The following HDX variants were observed in gnomAD, a reference collection of about 807,000 sequenced individuals.
HDX encodes highly divergent homeobox, also known as chromosome X open reading frame 43.
A neutral mutation model predicts 45.2 loss-of-function variants in HDX; 19 were observed. The ratio of observed to expected loss-of-function variants is 0.42; its 90% CI spans 0.29 to 0.62. The LOEUF (loss-of-function observed/expected upper bound fraction) is 0.62. Ranked by LOEUF, HDX falls within the 20% of genes least tolerant of loss-of-function variation. The pLI, the probability that HDX is intolerant of heterozygous loss-of-function variation, is 0.20. For synonymous variants in HDX, 188 were observed against 172.8 expected, an observed-to-expected ratio of 1.09 and a Z score of -0.69; for missense variants, 532 against 493.9, an observed-to-expected ratio of 1.08 and a Z score of -0.73.
In HDX at chrX:84,378,100, G is replaced by C. The variant is rs148010019; in HGVS notation, c.1306-16488C>G. Among the ~76,000 whole-genome samples, 37 of 111,860 alleles carry C rather than the reference G, an allele frequency of 3.3e-4. No individual in the cohort carries two copies. The East Asian group carries it at 9.0e-3, about 27-fold the overall frequency. ...CTTACAGGCCAGGAGATAGTGGCATGACACATTTAAAGTGCTGAAGAAAAA... is the reference window on the plus strand; with the variant it reads ...CTTACAGGCCAGGAGATAGTGGCATCACACATTTAAAGTGCTGAAGAAAAA... On this transcript the variant is annotated intron_variant, in intron 5 of 10. Transcript: ENST00000373177.
intron 10 of HDX, among the ~76,000 whole-genome samples, chrX:84,323,023 A>G (rs2036629178): frequency 9.0e-6 from 1 of 110,787 alleles, no homozygotes; most frequent in Non-Finnish European, 1.9e-5. Flanking sequence ...TCCACTGTTG[A>G]AATAAGACAG....
intron 5 of HDX, among the ~76,000 whole-genome samples, chrX:84,416,452 G>A (rs1170539457): frequency 3.6e-5 from 4 of 111,721 alleles, no homozygotes; most frequent in African/African-American, 1.3e-4. Context: ...GCTTCTAGAA[G>A]AACCTTGAAA....
intron 5 of HDX, 43 bp from the exon 6 acceptor site, chrX:84,361,655 G>T (rs2037625820): frequency 1.4e-5 from 14 of 1,022,032 alleles, no homozygotes; most frequent in Non-Finnish European, 1.8e-5. Context: ...TTAAAGTTTA[G>T]AATAATCAAA....
intron 7 of HDX, among the ~76,000 whole-genome samples, chrX:84,338,066 C>G (rs2037004947): frequency 9.0e-6 from 1 of 111,126 alleles, no homozygotes; most frequent in South Asian, 3.7e-4. Flanking sequence ...TTTTACTTCA[C>G]CTTAGGAAGC....
chrX:84,452,993 C>T (rs1391978411), intron 4 of HDX, among the ~76,000 whole-genome samples: 2 of 111,918 alleles, frequency 1.8e-5, no homozygotes, highest in African/African-American at 6.5e-5. Flanking sequence ...ACAGCTTCCC[C>T]ATAGAAATGG....
intron 5 of HDX, among the ~76,000 whole-genome samples, chrX:84,435,675 T>C (rs1479758339): frequency 1.9e-5 from 2 of 107,120 alleles, no homozygotes; most frequent in African/African-American, 3.4e-5. Flanking sequence ...GGTTTTCTTC[T>C]AGGGTTTTTA....
At position 84,393,553 on chromosome X, in the gene HDX, G is replaced by T. The variant is rs148106373; in HGVS notation, c.1306-31941C>A. On this transcript the variant is annotated intron_variant, in intron 5 of 10. Transcript: ENST00000373177. Reference sequence around the variant, plus strand: ...CTGGCATTATAAAATGAGTTAAAGAGAATTCATTCTTCTTCAATTTCTTGG... The same window carrying T: ...CTGGCATTATAAAATGAGTTAAAGATAATTCATTCTTCTTCAATTTCTTGG... Among the ~76,000 whole-genome samples the T allele has an allele frequency of 4.0e-3, 445 of 110,922 alleles. 2 individuals are homozygous for T. The highest frequency in any genetic ancestry group is 0.014 in the African/African-American group (416 of 30,682).
At position 84,469,457 on chromosome X, in the gene HDX, G is replaced by A. The variant is rs200870175; in HGVS notation, c.266C>T (p.Ala89Val). Residue 89 changes from alanine (A) to valine (V), a missense_variant, in exon 4 of 11, where the codon GCT (alanine) becomes GTT (valine). This residue lies in a region of HDX where 376 missense variants were observed against 343.7 expected (regional missense o/e 1.09). Coordinates refer to ENST00000373177, the MANE Select transcript of HDX (RefSeq NM_001177479.2). ...DITVRNVVNI[A>V]RPSSQQSSWT... ...AGAAGACTGCTGGCTTGAGGGTCGA[G>A]CAATATTAACCACATTTCTGACTGT... 33 of 1,209,062 alleles carry A rather than the reference G, an allele frequency of 2.7e-5. No homozygotes were observed. The highest frequency in any genetic ancestry group is 3.4e-5 in the Non-Finnish European group (30 of 894,841).
intron 5 of HDX, among the ~76,000 whole-genome samples, chrX:84,375,685 A>T (rs1485729650): frequency 9.4e-6 from 1 of 106,486 alleles, no homozygotes; most frequent in Non-Finnish European, 1.9e-5. Flanking sequence ...ATAGATGGGA[A>T]TTGAACAATG....
chrX:84,416,222 C>T (rs2039098486), intron 5 of HDX, among the ~76,000 whole-genome samples: 1 of 111,596 alleles, frequency 9.0e-6, no homozygotes, highest in Non-Finnish European at 1.9e-5. Context: ...AAGTTTTCTA[C>T]TAGATTATTT....
In HDX at chrX:84,475,374, A is replaced by G. The variant is rs1300278235; in HGVS notation, c.24T>C (p.Thr8=). 1 of 1,136,159 alleles carries G rather than the reference A, an allele frequency of 8.8e-7. No individual in the cohort carries two copies. 93.6% of individuals were successfully genotyped at this position (1,136,159 alleles called of 1,213,427 possible). Residue 8 remains threonine (T), a synonymous_variant, in exon 3 of 11, where the codon ACT becomes ACC. Coordinates refer to ENST00000373177, the MANE Select transcript of HDX (RefSeq NM_001177479.2). ...GCTGTAAAATCCTTTGTTGTTCTAC[A>G]GTAAATACAGAACGTAGATTCATCT... MNLRSVF[T]VEQQRILQRY...
chrX:84,440,084 A>T (rs1427762782), intron 5 of HDX: 1 of 111,871 alleles, frequency 8.9e-6, no homozygotes, highest in Non-Finnish European at 1.9e-5. Context: ...AAATTACAAC[A>T]GTTGTATCAG....
rs1047699109 is a variant in HDX, at chrX:84,321,667, C to T, written c.*222G>A. Reference sequence around the variant, plus strand: ...TTAAATATAATTTTTTTCCAGAGTTCCATCAGTTAAAAAAATACTCTCTCA... The same window carrying T: ...TTAAATATAATTTTTTTCCAGAGTTTCATCAGTTAAAAAAATACTCTCTCA... On this transcript the variant is annotated 3_prime_UTR_variant, in exon 11 of 11. Coordinates refer to ENST00000373177, the MANE Select transcript of HDX (RefSeq NM_001177479.2). 4.3e-6 allele frequency: 1 copy of T among 233,086 alleles called. No individual in the cohort carries two copies. The highest frequency in any genetic ancestry group is 2.9e-5 in the African/African-American group (1 of 34,476). The allele number at this position is 233,086 out of a possible 1,213,427, so 19.2% of individuals were successfully genotyped here. A position where few individuals can be genotyped will look rare whatever the true frequency, so the allele number is the denominator to read the frequency against.
chrX:84,466,641 A>G (rs2040357544), intron 4 of HDX, among the ~76,000 whole-genome samples: 1 of 112,542 alleles, frequency 8.9e-6, no homozygotes, highest in Admixed American at 9.4e-5. Flanking sequence ...GTAAAGGTAA[A>G]ATCACAGGTT....
chrX:84,370,804 G>A (rs1197564724), intron 5 of HDX, among the ~76,000 whole-genome samples: 2 of 112,157 alleles, frequency 1.8e-5, no homozygotes, highest in African/African-American at 3.2e-5. Flanking sequence ...AAGCTTAAAA[G>A]CATTGAATGA....
Position 84,339,785 on chromosome X carries a change from A to G in HDX, c.1661-2905T>C, listed in dbSNP as rs182804782. Among the ~76,000 whole-genome samples the G allele has an allele frequency of 3.1e-3, 349 of 111,623 alleles. 2 individuals carry two copies. The highest frequency in any genetic ancestry group is 0.011 in the African/African-American group (335 of 30,835). On this transcript the variant is annotated intron_variant, in intron 7 of 10. Coordinates refer to ENST00000373177, the MANE Select transcript of HDX (RefSeq NM_001177479.2). The stretch of plus-strand genomic sequence containing the variant: ...TCTTTCACGTGCATACCCATATAAT[A>G]GATACAGCTGAAAAAAGAGGCTGTG...
intron 2 of HDX, among the ~76,000 whole-genome samples, chrX:84,479,383 C>T (rs760735500): frequency 1.8e-5 from 2 of 111,939 alleles, no homozygotes; most frequent in South Asian, 3.7e-4. Context: ...TGCTGTGTGT[C>T]ATCAGTAGTT....
chrX:84,445,196 T>C (rs1047480618), intron 4 of HDX, among the ~76,000 whole-genome samples: 7 of 112,091 alleles, frequency 6.2e-5, no homozygotes, highest in Admixed American at 5.7e-4. Flanking sequence ...CTATCTGATA[T>C]ATACTGCATT....
intron 4 of HDX, among the ~76,000 whole-genome samples, chrX:84,456,787 CATT>C (rs1187273015): frequency 9.0e-6 from 1 of 111,431 alleles, no homozygotes; most frequent in East Asian, 2.8e-4. Context: ...TAAAGAAAGT[CATT>C]ATATAATGAA....
Sources: gnomAD v4.1 joint callset for allele counts (sites outside exome capture counted in the v4.1 genomes callset) on GRCh38, gnomAD v4.1.1 for gene constraint, gnomAD v4.1.1 regional missense constraint, MANE v1.5 for transcripts, NCBI Gene and HGNC (gene_info 2026-07-23, HGNC 2026-07-21) for gene names.